Variants in SIAH1 observed in about 807,000 individuals in gnomAD.
SIAH1 encodes the protein siah E3 ubiquitin protein ligase 1.
A neutral mutation model predicts 20.0 loss-of-function variants in SIAH1; 2 were observed. That is an observed-to-expected ratio of 0.10 (90% confidence interval 0.04 to 0.31). SIAH1 has a LOEUF of 0.31. SIAH1 is among the 10% of genes least tolerant of loss of function. The probability of loss-of-function intolerance (pLI) is 1.00; values close to 1 mark genes in which losing one functional copy is unlikely to be tolerated. For synonymous variants in SIAH1, 118 were observed against 125.3 expected, an observed-to-expected ratio of 0.94 and a Z score of 0.39; for missense variants, 119 against 355.3, an observed-to-expected ratio of 0.33 and a Z score of 5.35.
intron 1 of SIAH1, among the ~76,000 whole-genome samples, chr16:48,370,488 T>C (rs1780474377): frequency 6.6e-6 from 1 of 152,138 alleles, no homozygotes; most frequent in Non-Finnish European, 1.5e-5. Flanking sequence ...ACCTTTCCAA[T>C]GACCAAAGTT....
Position 48,360,667 on chromosome 16 carries a change from CAATA to C in SIAH1, c.*909_*912del, listed in dbSNP as rs1960547296. 2 of 152,588 alleles carry C rather than the reference CAATA, an allele frequency of 1.3e-5. No individual in the cohort carries two copies. The highest frequency in any genetic ancestry group is 1.3e-4 in the Admixed American group (2 of 15,290). 9.5% of individuals were successfully genotyped at this position (152,588 alleles called of 1,614,324 possible). A position where few individuals can be genotyped will look rare whatever the true frequency, so the allele number is the denominator to read the frequency against. On this transcript the variant is annotated 3_prime_UTR_variant, in exon 2 of 2. Transcript: ENST00000394725. The stretch of plus-strand genomic sequence containing the variant: ...ATGACGATGCCTTCTTCTGCAAAAC[CAATA>C]AATACAAGAACAAATTTTAAAATAT...
At chr16:48,365,429 A>G in intron 1 of SIAH1, 1 of 1,614,042 alleles carries the variant, frequency 6.2e-7, no homozygotes, top group South Asian at 1.1e-5. Context: ...CATGTGAACA[A>G]GACTCCCCTC....
At chr16:48,371,864 T>C (rs1960993537) in intron 1 of SIAH1, among the ~76,000 whole-genome samples, 1 of 152,238 alleles carries the variant, frequency 6.6e-6, no homozygotes, top group African/African-American at 2.4e-5. Flanking sequence ...CAGTGCAAGC[T>C]TGCTCTTTTA....
chr16:48,365,257 A>G (rs762102493), intron 1 of SIAH1: 20 of 921,456 alleles, frequency 2.2e-5, no homozygotes, highest in Non-Finnish European at 3.2e-5. Flanking sequence ...AGCAGCCCAA[A>G]TGAAACATGA....
At position 48,361,740 on chromosome 16, in the gene SIAH1, T is replaced by C. The variant is rs1474161886; in HGVS notation, c.689A>G (p.His230Arg). 1 of 1,614,250 alleles carries C rather than the reference T, an allele frequency of 6.2e-7. No homozygotes were observed. The highest frequency in any genetic ancestry group is 1.3e-5 in the African/African-American group (1 of 75,066). Residue 230 changes from histidine to arginine, a missense_variant, in exon 2 of 2, where the codon CAT becomes CGT. This residue lies in a region of SIAH1 where 84 missense variants were observed against 307.8 expected (regional missense o/e 0.27). Coordinates refer to ENST00000394725, the MANE Select transcript of SIAH1 (RefSeq NM_003031.4). ...CGCTTCCCAAGTCAATCGTCGCCTA[T>C]GACCATTTAGCTCAAGTCGGTAAGC... ...NFAYRLELNGHRRRLTWEATP... is the reference protein window; with the variant it reads ...NFAYRLELNGRRRRLTWEATP...
intron 1 of SIAH1, among the ~76,000 whole-genome samples, chr16:48,367,822 C>T (rs1960881319): frequency 6.6e-6 from 1 of 152,190 alleles, no homozygotes; most frequent in Non-Finnish European, 1.5e-5. Flanking sequence ...CACAGAAGTA[C>T]CTTAAGACAA....
At chr16:48,383,375 A>C (rs1014973858) in intron 1 of SIAH1, among the ~76,000 whole-genome samples, 3 of 152,192 alleles carry the variant, frequency 2.0e-5, no homozygotes. Context: ...TTTGAGTCTC[A>C]AGATCTACCA....
At chr16:48,365,414 G>A (rs769083853) in intron 1 of SIAH1, 2 of 1,613,928 alleles carry the variant, frequency 1.2e-6, no homozygotes, top group Middle Eastern at 1.7e-4. Context: ...CTGGCCGCTG[G>A]TAAACATGTG....
At chr16:48,378,221 T>C (rs1228257240) in intron 1 of SIAH1, among the ~76,000 whole-genome samples, 1 of 152,058 alleles carries the variant, frequency 6.6e-6, no homozygotes, top group South Asian at 2.1e-4. Flanking sequence ...AGTGTGGTGG[T>C]GCATGCCTGT....
intron 1 of SIAH1, among the ~76,000 whole-genome samples, chr16:48,366,907 C>T (rs1276071554): frequency 6.6e-6 from 1 of 152,136 alleles, no homozygotes; most frequent in African/African-American, 2.4e-5. Flanking sequence ...CCCACAACTA[C>T]TTTTTTTCCT....
At position 48,361,853 on chromosome 16, in the gene SIAH1, G is replaced by A; in HGVS notation, c.576C>T (p.Val192=). 1 of 1,614,130 alleles carries A rather than the reference G, an allele frequency of 6.2e-7. No individual in the cohort carries two copies. The highest frequency in any genetic ancestry group is 8.5e-7 in the Non-Finnish European group (1 of 1,180,024). Residue 192 remains valine, a synonymous_variant, in exon 2 of 2, where the codon GTC becomes GTT. Transcript: ENST00000394725. The part of the protein sequence containing the change: ...QSCFGFHFML[V]LEKQEKYDGH... ...CATCGTATTTTTCCTGTTTCTCTAA[G>A]ACTAACATGAAGTGAAAGCCAAAAC... is the stretch of plus-strand genomic sequence containing the variant.
chr16:48,364,792 C>CTAG (rs1001764438), intron 1 of SIAH1: 57 of 152,498 alleles, frequency 3.7e-4, no homozygotes, highest in African/African-American at 1.3e-3. Context: ...AAAAAACAGT[C>CTAG]TAGTCAACCA....
intron 1 of SIAH1, among the ~76,000 whole-genome samples, chr16:48,372,529 AAT>A (rs1390195569): frequency 6.6e-6 from 1 of 152,196 alleles, no homozygotes; most frequent in Non-Finnish European, 1.5e-5. Flanking sequence ...CATGTAATTA[AAT>A]GCCTCTATTC....
chr16:48,384,759 G>A (rs1961398731), intron 1 of SIAH1, among the ~76,000 whole-genome samples: 1 of 151,266 alleles, frequency 6.6e-6, no homozygotes, highest in Admixed American at 6.6e-5. Context: ...CCCGGCAGCT[G>A]CCCGCACTCA....
chr16:48,369,346 A>G (rs1960925259), intron 1 of SIAH1, among the ~76,000 whole-genome samples: 1 of 152,262 alleles, frequency 6.6e-6, no homozygotes, highest in South Asian at 2.1e-4. Flanking sequence ...TGCTGTCAAC[A>G]GAAGACAAAG....
At position 48,367,913 on chromosome 16, in the gene SIAH1, C is replaced by T. The variant is rs1340327711; in HGVS notation, c.-2-5483G>A. ...CCTACACTTTCTAAAGCCTACGTCC[C>T]AAGCCCAGTTTGGTATATAGTTTAA... On this transcript the variant is annotated intron_variant, in intron 1 of 1. Transcript: ENST00000394725. Among the ~76,000 whole-genome samples, 3 of 152,192 alleles carry T rather than the reference C, an allele frequency of 2.0e-5. No individual in the cohort carries two copies. In the East Asian group the frequency reaches 5.8e-4, roughly 29 times the overall value.
At chr16:48,365,361 G>C (rs760237162) in intron 1 of SIAH1, 20 of 1,612,846 alleles carry the variant, frequency 1.2e-5, no homozygotes, top group Admixed American at 5.0e-5. Flanking sequence ...CACAGCCTCA[G>C]CAAACCATCC....
At chr16:48,365,075 T>C (rs1341056115) in intron 1 of SIAH1, 1 of 280,854 alleles carries the variant, frequency 3.6e-6, no homozygotes, top group Non-Finnish European at 6.8e-6. Context: ...GGAACGGAGG[T>C]ATTACAGGAC....
intron 1 of SIAH1, among the ~76,000 whole-genome samples, chr16:48,380,928 C>CAAA (rs59376248): frequency 2.9e-4 from 13 of 44,948 alleles, no homozygotes; most frequent in East Asian, 2.5e-3. Flanking sequence ...GACTCCGTCT[C>CAAA]AAAAAAAAAA....
Sources: allele counts gnomAD v4.1 joint callset (sites outside exome capture counted in the v4.1 genomes callset), GRCh38; gene constraint gnomAD v4.1.1; regional missense constraint gnomAD v4.1.1; transcripts MANE v1.5; gene names NCBI Gene and HGNC (gene_info 2026-07-23, HGNC 2026-07-21).